Variants in ZWILCH observed in about 807,000 individuals in gnomAD.
The protein encoded by ZWILCH is zwilch kinetochore protein.
A neutral mutation model predicts 79.9 loss-of-function variants in ZWILCH; 74 were observed. That is an observed-to-expected ratio of 0.93 (90% CI 0.77 to 1.12). The LOEUF (loss-of-function observed/expected upper bound fraction) is 1.12, where lower values mean the gene tolerates loss of function less well. Among genes scored for constraint, ZWILCH ranks in the 50% most tolerant of loss-of-function variants. ZWILCH has a pLI of 0.00. For synonymous variants in ZWILCH, 241 were observed against 228.2 expected, an observed-to-expected ratio of 1.06 and a Z score of -0.51; for missense variants, 694 against 687.5, an observed-to-expected ratio of 1.01 and a Z score of -0.11.
At chr15:66,519,515 C>T (rs1255189522) in intron 5 of ZWILCH, among the ~76,000 whole-genome samples, 1 of 152,106 alleles carries the variant, frequency 6.6e-6, no homozygotes, top group African/African-American at 2.4e-5. Context: ...AGTGCAGTGG[C>T]GCGATCTCGG....
At chr15:66,532,432 A>T (rs1488349641) in intron 13 of ZWILCH, 29 bp downstream of exon 13, 1 of 1,571,222 alleles carries the variant, frequency 6.4e-7, no homozygotes, top group Non-Finnish European at 8.6e-7. Context: ...TCAAAAAATT[A>T]AAAAACACAT....
At chr15:66,540,522 C>A (rs1023508740) in intron 17 of ZWILCH, among the ~76,000 whole-genome samples, 2 of 151,738 alleles carry the variant, frequency 1.3e-5, no homozygotes, top group African/African-American at 4.8e-5. Flanking sequence ...CACTGCACTC[C>A]AGCCTGGGCA....
intron 7 of ZWILCH, 81 bp downstream of exon 7, chr15:66,521,286 C>T: frequency 4.0e-6 from 6 of 1,510,524 alleles, no homozygotes; most frequent in Non-Finnish European, 5.4e-6. Flanking sequence ...GTGCTCCATG[C>T]CTCTAGCCTT....
intron 4 of ZWILCH, among the ~76,000 whole-genome samples, chr15:66,518,525 A>T (rs1161345557): frequency 6.6e-6 from 1 of 152,102 alleles, no homozygotes; most frequent in Non-Finnish European, 1.5e-5. Flanking sequence ...TTTAAAAGAA[A>T]ATTCTGGCTG....
At chr15:66,509,845 A>G (rs990464016) in intron 2 of ZWILCH, among the ~76,000 whole-genome samples, 7 of 77,238 alleles carry the variant, frequency 9.1e-5, no homozygotes, top group African/African-American at 2.9e-4. Context: ...ATATATATAT[A>G]TATATATATA....
At chr15:66,514,244 C>T in intron 3 of ZWILCH, 161 bp downstream of exon 3, 1 of 408,132 alleles carries the variant, frequency 2.5e-6, no homozygotes, top group East Asian at 4.0e-5. Context: ...TAAATATGAA[C>T]CACATATGCA....
At chr15:66,505,418 G>A (rs1477336897) in intron 1 of ZWILCH, 27 bp downstream of exon 1, 1 of 1,613,348 alleles carries the variant, frequency 6.2e-7, no homozygotes, top group African/African-American at 1.3e-5. Context: ...CTTTTGGCTG[G>A]GGTCCTGGGA....
chr15:66,549,318 G>A lies in ZWILCH; in HGVS notation c.*994G>A, dbSNP rs1285313337. ...TTGCCTGATTATTTAAATTTGTTGAGGGGGATTGCATGTTGCTTTATTGGC... is the reference window on the plus strand; with the variant it reads ...TTGCCTGATTATTTAAATTTGTTGAAGGGGATTGCATGTTGCTTTATTGGC... On this transcript the variant is annotated 3_prime_UTR_variant, in exon 19 of 19. Transcript: ENST00000307897. 1 of 152,108 alleles carries A rather than the reference G, an allele frequency of 6.6e-6. No individual in the cohort carries two copies. Among genetic ancestry groups the A allele is most frequent in the Non-Finnish European group, 1.5e-5 (1 of 68,022 alleles). The allele number at this position is 152,108 out of a possible 1,614,324, so 9.4% of individuals were successfully genotyped here.
At chr15:66,533,791 A>G (rs1269025892) in intron 14 of ZWILCH, among the ~76,000 whole-genome samples, 1 of 152,182 alleles carries the variant, frequency 6.6e-6, no homozygotes, top group East Asian at 1.9e-4. Context: ...TGGGTTCTGC[A>G]TCCATGGATT....
intron 16 of ZWILCH, 100 bp from the exon 17 acceptor site, chr15:66,539,998 A>G: frequency 1.4e-6 from 1 of 705,212 alleles, no homozygotes; most frequent in Non-Finnish European, 2.4e-6. Flanking sequence ...CTTTGTCCTC[A>G]GTGCTTATCA....
chr15:66,539,573 A>G (rs55732309), intron 16 of ZWILCH, among the ~76,000 whole-genome samples: 8,337 of 152,116 alleles, frequency 0.055, 333 homozygotes, highest in Middle Eastern at 0.11. Flanking sequence ...TGCCTCTGTT[A>G]TCTTTCTTTT....
chr15:66,539,696 C>G (rs1895131987), intron 16 of ZWILCH, among the ~76,000 whole-genome samples: 1 of 152,198 alleles, frequency 6.6e-6, no homozygotes, highest in South Asian at 2.1e-4. Context: ...TTCAGACATT[C>G]CACACTCTTA....
rs1432277934 is a variant in ZWILCH at position 66,515,548 on chromosome 15, G to T, written c.224G>T (p.Ser75Ile). 2 of 1,608,430 alleles carry T rather than the reference G, an allele frequency of 1.2e-6. No individual in the cohort carries two copies. The highest frequency in any genetic ancestry group is 2.7e-5 in the African/African-American group (2 of 74,560). The stretch of plus-strand genomic sequence containing the variant: ...AAGCCTTTAGAAAAGGAAGAAACAA[G>T]TCATATTGAAGAACTTCAATCTGAA... ...EKVPLEKEETSHIEELQSEET... is the reference protein window; with the variant it reads ...EKVPLEKEETIHIEELQSEET... Residue 75 changes from serine (S) to isoleucine (I), a missense_variant, in exon 4 of 19, where the codon AGT becomes ATT. Ser to Ile is a moderately radical substitution (Grantham distance 142). Coordinates refer to ENST00000307897, the MANE Select transcript of ZWILCH (RefSeq NM_017975.5).
rs775638387 is a variant in ZWILCH, at chr15:66,521,198, C to T, written c.740C>T (p.Ala247Val). Residue 247 changes from alanine to valine, a missense_variant, in exon 7 of 19, where the codon GCA becomes GTA. Ala to Val is a moderately conservative substitution (Grantham distance 64). Transcript: ENST00000307897. The stretch of plus-strand genomic sequence containing the variant: ...CAAATCCCTCCACTCTCTTCAACTG[C>T]AACTCTGGTAAGAGTGGGCCCTATT... Reference protein sequence around the residue: ...ILQIPPLSSTATLNIKVESGE... With the variant: ...ILQIPPLSSTVTLNIKVESGE... The T allele has an allele frequency of 1.2e-6, 2 of 1,611,046 alleles. No homozygotes were observed. The highest frequency in any genetic ancestry group is 2.2e-5 in the South Asian group (2 of 91,082).
chr15:66,541,853 G>A lies in ZWILCH; in HGVS notation c.1687+1643G>A, dbSNP rs1226883355. Among the ~76,000 whole-genome samples the A allele has an allele frequency of 3.3e-5, 5 of 152,122 alleles. No homozygotes were observed. The East Asian group carries it at 9.6e-4, about 29-fold the overall frequency. ...GCCTATACTGCTGGGAATACAAATA[G>A]TTTTATTTTACTGATTAATAACTTG... On this transcript the variant is annotated intron_variant, in intron 17 of 18. Coordinates refer to ENST00000307897, the MANE Select transcript of ZWILCH (RefSeq NM_017975.5).
chr15:66,544,722 T>G (rs865989454), intron 17 of ZWILCH, among the ~76,000 whole-genome samples: 31 of 29,760 alleles, frequency 1.0e-3, no homozygotes, highest in East Asian at 9.1e-3. Flanking sequence ...TTTTTTTGGT[T>G]TTTGTGTGTG....
intron 1 of ZWILCH, 180 bp from the exon 2 acceptor site, chr15:66,508,661 C>T (rs1893915258): frequency 7.8e-7 from 1 of 1,275,776 alleles, no homozygotes; most frequent in Non-Finnish European, 1.0e-6. Context: ...TCTTCTTAAC[C>T]TAATGCTTCT....
chr15:66,548,673 C>T lies in ZWILCH; in HGVS notation c.*349C>T. 1 of 795,198 alleles carries T rather than the reference C, an allele frequency of 1.3e-6. No individual in the cohort carries two copies. 49.3% of individuals were successfully genotyped at this position (795,198 alleles called of 1,614,324 possible). On this transcript the variant is annotated 3_prime_UTR_variant, in exon 19 of 19. Transcript: ENST00000307897. ...TCATTTTAGTAAATACAGCTTTATCCCAAAAGCTTTAACTGTATTGGGAAA... is the reference window on the plus strand; with the variant it reads ...TCATTTTAGTAAATACAGCTTTATCTCAAAAGCTTTAACTGTATTGGGAAA...
intron 10 of ZWILCH, 148 bp from the exon 11 acceptor site, chr15:66,528,704 C>A (rs1216063115): frequency 1.6e-6 from 1 of 612,718 alleles, no homozygotes; most frequent in African/African-American, 1.8e-5. Flanking sequence ...ATTTGTATCT[C>A]CTCATTAGTG....
Sources: allele counts gnomAD v4.1 joint callset (sites outside exome capture counted in the v4.1 genomes callset), GRCh38; gene constraint gnomAD v4.1.1; transcripts MANE v1.5; gene names NCBI Gene and HGNC (gene_info 2026-07-23, HGNC 2026-07-21).